CFAP36: variants seen among roughly 807,000 people sequenced by gnomAD.
CFAP36 encodes the protein cilia- and flagella-associated protein 36.
A neutral mutation model predicts 50.5 loss-of-function variants in CFAP36; 37 were observed. The ratio of observed to expected loss-of-function variants is 0.73; its 90% CI spans 0.56 to 0.96. The LOEUF (loss-of-function observed/expected upper bound fraction) is 0.96, where lower values mean the gene tolerates loss of function less well. Ranked by LOEUF, CFAP36 falls within the 50% of genes least tolerant of loss-of-function variation. The pLI is 0.00. For missense variants in CFAP36, 407 were observed against 396.2 expected (o/e 1.03, Z -0.23); for synonymous variants, 138 against 128.2 (o/e 1.08, Z -0.52).
intron 5 of CFAP36, among the ~76,000 whole-genome samples, chr2:55,535,152 T>A (rs1049860834): frequency 6.6e-6 from 1 of 152,208 alleles, no homozygotes; most frequent in Non-Finnish European, 1.5e-5. Context: ...TGAGGGGATA[T>A]ACTACTGTGT....
chr2:55,520,277 C>A, intron 1 of CFAP36: 1 of 825,378 alleles, frequency 1.2e-6, no homozygotes. Flanking sequence ...TTTGGCTGGG[C>A]TTCTTCAACA....
chr2:55,541,594 T>C (rs1292669960), intron 7 of CFAP36, among the ~76,000 whole-genome samples: 1 of 152,168 alleles, frequency 6.6e-6, no homozygotes, highest in East Asian at 1.9e-4. Context: ...TTCATTTCAG[T>C]TTTTCTGTCA....
intron 5 of CFAP36, among the ~76,000 whole-genome samples, chr2:55,535,198 T>C (rs1183614011): frequency 1.3e-5 from 2 of 152,224 alleles, no homozygotes; most frequent in African/African-American, 2.4e-5. Context: ...TGTATAACAG[T>C]TGACCTTGGT....
intron 7 of CFAP36, among the ~76,000 whole-genome samples, chr2:55,540,698 A>AT (rs927114693): frequency 1.7e-4 from 26 of 152,302 alleles, no homozygotes; most frequent in African/African-American, 5.8e-4. Flanking sequence ...ACATCTTGAC[A>AT]TTGAGTTTTC....
Position 55,522,136 on chromosome 2 carries a change from TAC to T in CFAP36, c.152_153del (p.Thr51ArgfsTer11). 1.3e-6 allele frequency: 2 copies of T among 1,540,420 alleles called. No homozygotes were observed. Among genetic ancestry groups the T allele is most frequent in the Non-Finnish European group, 1.8e-6 (2 of 1,127,982 alleles). On this transcript the variant is annotated frameshift_variant, in exon 2 of 10. Coordinates refer to ENST00000349456, the MANE Select transcript of CFAP36 (RefSeq NM_080667.7). LOFTEE classifies it high-confidence loss of function. ...DDEEESKLTY[T>X]EIHQEYKELV... ...ATGAAGAAGAAAGCAAATTGACCTA[TAC>T]AGAGATTCATCAGGAATACAAAGAA... is the stretch of plus-strand genomic sequence containing the variant.
intron 4 of CFAP36, among the ~76,000 whole-genome samples, chr2:55,532,051 G>A (rs1194115752): frequency 1.3e-5 from 2 of 152,066 alleles, no homozygotes; most frequent in Non-Finnish European, 2.9e-5. Context: ...TGCTGGCTGG[G>A]AACAGTGGCT....
intron 7 of CFAP36, chr2:55,538,767 A>C: frequency 6.5e-7 from 1 of 1,543,474 alleles, no homozygotes. Flanking sequence ...TTTTAAAGAA[A>C]TTCAAGGAAG....
chr2:55,543,128 G>A (rs1684682530), intron 7 of CFAP36, among the ~76,000 whole-genome samples: 1 of 151,468 alleles, frequency 6.6e-6, no homozygotes, highest in South Asian at 2.1e-4. Flanking sequence ...TTAGACATGT[G>A]TGCCATGTTT....
intron 6 of CFAP36, among the ~76,000 whole-genome samples, chr2:55,536,325 G>A (rs1684486753): frequency 6.6e-6 from 1 of 151,946 alleles, no homozygotes; most frequent in Non-Finnish European, 1.5e-5. Context: ...TAGAGACGGG[G>A]TTTCACCACG....
intron 2 of CFAP36, 34 bp downstream of exon 2, chr2:55,522,200 A>T (rs776694165): frequency 1.6e-5 from 17 of 1,075,802 alleles, no homozygotes; most frequent in Non-Finnish European, 2.1e-5. Context: ...TTTAAAAGTA[A>T]TTAGGCTAAT....
At chr2:55,536,888 G>A (rs1684502166) in intron 6 of CFAP36, among the ~76,000 whole-genome samples, 1 of 150,052 alleles carries the variant, frequency 6.7e-6, no homozygotes, top group South Asian at 2.1e-4. Context: ...GGGATTATAG[G>A]TGCCTGCCAC....
intron 4 of CFAP36, among the ~76,000 whole-genome samples, chr2:55,529,671 G>C (rs1684304236): frequency 6.8e-6 from 1 of 147,364 alleles, no homozygotes. Context: ...TTTTGAGACG[G>C]AGTCTCGCTC....
intron 1 of CFAP36, among the ~76,000 whole-genome samples, chr2:55,520,982 C>T (rs920461313): frequency 1.3e-5 from 2 of 152,150 alleles, no homozygotes; most frequent in African/African-American, 4.8e-5. Flanking sequence ...TTCAGCTATT[C>T]AGCTATCAAA....
At chr2:55,529,755 T>G (rs1336070925) in intron 4 of CFAP36, among the ~76,000 whole-genome samples, 1 of 151,184 alleles carries the variant, frequency 6.6e-6, no homozygotes, top group Non-Finnish European at 1.5e-5. Flanking sequence ...TACACCATTC[T>G]CCTGCCTCAG....
intron 9 of CFAP36, 50 bp downstream of exon 9, chr2:55,544,419 A>G: frequency 1.3e-6 from 2 of 1,551,632 alleles, no homozygotes; most frequent in Non-Finnish European, 1.7e-6. Context: ...TGGTGGAACT[A>G]TCAAAATCAG....
Position 55,544,914 on chromosome 2 carries a change from C to T in CFAP36, c.935C>T (p.Thr312Ile), listed in dbSNP as rs772367986. The change falls in exon 10 of 10, where the codon ACA becomes ATA. Residue 312 changes from threonine to isoleucine, a missense_variant. Transcript: ENST00000349456. Reference protein sequence around the residue: ...GKPTGEVEEMTEKPEMTAEEK... With the variant: ...GKPTGEVEEMIEKPEMTAEEK... ...TTTTTCTTTTTTTTTCAGGAAATGA[C>T]AGAGAAACCAGAAATGACAGCAGAG... 25 of 1,585,896 alleles carry T rather than the reference C, an allele frequency of 1.6e-5. No homozygotes were observed. The highest frequency in any genetic ancestry group is 2.7e-5 in the African/African-American group (2 of 72,970).
At chr2:55,540,371 C>G (rs965312698) in intron 7 of CFAP36, among the ~76,000 whole-genome samples, 3 of 152,066 alleles carry the variant, frequency 2.0e-5, no homozygotes, top group Non-Finnish European at 4.4e-5. Flanking sequence ...CTTTCCTCAC[C>G]GTATTGCCTT....
Position 55,528,959 on chromosome 2 carries a change from C to A in CFAP36, c.364C>A (p.Leu122Met), listed in dbSNP as rs1684281923. 13 of 1,610,392 alleles carry A rather than the reference C, an allele frequency of 8.1e-6. No homozygotes were observed. The highest frequency in any genetic ancestry group is 1.1e-5 in the Non-Finnish European group (13 of 1,178,300). The change falls in exon 4 of 10, where the codon CTG becomes ATG. Residue 122 changes from leucine (L) to methionine (M), a missense_variant. Physicochemically the swap from Leu to Met is conservative, Grantham distance 15. Transcript: ENST00000349456. ...GGTCCAGAAAAACATTGAAATGCAG[C>A]TGCAAGCCATTCGAATAATTCAAGA... Reference protein sequence around the residue: ...MMVQKNIEMQLQAIRIIQERN... With the variant: ...MMVQKNIEMQMQAIRIIQERN...
Position 55,529,000 on chromosome 2 carries a change from G to A in CFAP36, c.397+8G>A, listed in dbSNP as rs548549827. The A allele has an allele frequency of 6.3e-7, 1 of 1,584,452 alleles. No homozygotes were observed. The highest frequency in any genetic ancestry group is 1.1e-5 in the South Asian group (1 of 87,046). On this transcript the variant is annotated splice_region_variant and intron_variant, in intron 4 of 9. Transcript: ENST00000349456. ...TAATTCAAGAGAGAAATGGTAAAAT[G>A]TTGAAGTTAGAAATCTAAGTACTAA...
Sources: allele counts gnomAD v4.1 joint callset (sites outside exome capture counted in the v4.1 genomes callset), GRCh38; gene constraint gnomAD v4.1.1; transcripts MANE v1.5; gene names NCBI Gene and HGNC (gene_info 2026-07-23, HGNC 2026-07-21).